ST3GAL2: variants seen among roughly 807,000 people sequenced by gnomAD.
The protein encoded by ST3GAL2 is ST3 beta-galactoside alpha-2,3-sialyltransferase 2, also known as CMP-N-acetylneuraminate-beta-galactosamide-alpha-2,3-sialyltransferase 2.
ST3GAL2 carries 16 observed loss-of-function variants against 37.5 expected under a neutral mutation model. The observed-to-expected ratio is 0.43, with a 90% CI of 0.29 to 0.65. The LOEUF is 0.65. Among genes scored for constraint, ST3GAL2 ranks in the 30% least tolerant of loss-of-function variants. The pLI is 0.17. For synonymous variants in ST3GAL2, 238 were observed against 202.9 expected, an observed-to-expected ratio of 1.17 and a Z score of -1.47; for missense variants, 383 against 487.8, an observed-to-expected ratio of 0.79 and a Z score of 2.02.
intron 1 of ST3GAL2, among the ~76,000 whole-genome samples, chr16:70,429,302 G>A (rs932500854): frequency 6.6e-6 from 1 of 152,180 alleles, no homozygotes; most frequent in Non-Finnish European, 1.5e-5. Flanking sequence ...GCTGAAGAAT[G>A]AATCCCTGAG....
chr16:70,398,465 C>G lies in ST3GAL2; in HGVS notation c.66G>C (p.Leu22=), dbSNP rs199829873. Residue 22 remains leucine (L), a synonymous_variant, in exon 2 of 7, where the codon CTG becomes CTC. Transcript: ENST00000342907. ...VAFLLVFIMS[L]LFTYSHHSMA... ...TGCTGTGGTGCGAGTAGGTGAAGAGCAGGGACATGATGAACACCAGCAGGA... is the reference window on the plus strand; with the variant it reads ...TGCTGTGGTGCGAGTAGGTGAAGAGGAGGGACATGATGAACACCAGCAGGA... 3.7e-6 allele frequency: 6 copies of G among 1,613,586 alleles called. No individual in the cohort carries two copies. In the African/African-American group the frequency reaches 6.7e-5, roughly 18 times the overall value.
chr16:70,397,702 G>A (rs1432229895), intron 2 of ST3GAL2, among the ~76,000 whole-genome samples: 1 of 152,000 alleles, frequency 6.6e-6, no homozygotes, highest in Non-Finnish European at 1.5e-5. Context: ...CTCCAGCCTG[G>A]GCGACAGAAT....
Position 70,388,238 on chromosome 16 carries a change from C to T in ST3GAL2, c.713+129G>A, listed in dbSNP as rs1276411165. ...CCTTCAGCTCACCCACCAACTTAGG[C>T]CCTCCCTTCTCACCAGCCCCTCTTG... is the stretch of plus-strand genomic sequence containing the variant. On this transcript the variant is annotated intron_variant, in intron 4 of 6. Transcript: ENST00000342907. The T allele has an allele frequency of 5.9e-6, 7 of 1,194,820 alleles. No homozygotes were observed. In the East Asian group the frequency reaches 1.4e-4, roughly 25 times the overall value. The allele number at this position is 1,194,820 out of a possible 1,614,324, so 74.0% of individuals were successfully genotyped here.
chr16:70,431,662 TAAAA>T (rs60739243), intron 1 of ST3GAL2, among the ~76,000 whole-genome samples: 2 of 139,332 alleles, frequency 1.4e-5, no homozygotes, highest in African/African-American at 5.2e-5. Context: ...CCCATCTCTT[TAAAA>T]AAAAAAAAAA....
intron 1 of ST3GAL2, among the ~76,000 whole-genome samples, chr16:70,419,383 A>G (rs925359216): frequency 3.3e-5 from 5 of 152,214 alleles, no homozygotes; most frequent in Admixed American, 1.3e-4. Flanking sequence ...AGAGGTCACA[A>G]TCCAACCACG....
At chr16:70,407,901 T>C (rs1454842430) in intron 1 of ST3GAL2, among the ~76,000 whole-genome samples, 1 of 152,004 alleles carries the variant, frequency 6.6e-6, no homozygotes, top group Non-Finnish European at 1.5e-5. Context: ...TACAACCTTC[T>C]TGGCATGCAG....
In ST3GAL2 at chr16:70,395,188, G is replaced by C. The variant is rs778893391; in HGVS notation, c.340-13C>G. 1 of 1,588,680 alleles carries C rather than the reference G, an allele frequency of 6.3e-7. No individual in the cohort carries two copies. The highest frequency in any genetic ancestry group is 8.6e-7 in the Non-Finnish European group (1 of 1,165,884). ...GGGGCTGCAGCATCTGTGGAAGGGA[G>C]GGGAAGATGGGAAACGAGGAAGGGG... On this transcript the variant is annotated splice_polypyrimidine_tract_variant and intron_variant, in intron 2 of 6. Coordinates refer to ENST00000342907, the MANE Select transcript of ST3GAL2 (RefSeq NM_006927.4).
chr16:70,392,184 C>G (rs2047486310), intron 3 of ST3GAL2, among the ~76,000 whole-genome samples: 1 of 152,202 alleles, frequency 6.6e-6, no homozygotes, highest in Non-Finnish European at 1.5e-5. Context: ...TTCCAAACAT[C>G]TGGGAATGAA....
In ST3GAL2 at chr16:70,405,550, A is replaced by G. The variant is rs1379766312; in HGVS notation, c.-1003-6017T>C. Among the ~76,000 whole-genome samples, 100 of 147,768 alleles carry G rather than the reference A, an allele frequency of 6.8e-4. 1 individual carries two copies. Among genetic ancestry groups the G allele is most frequent in the Non-Finnish European group, 8.7e-4 (58 of 66,664 alleles). ...AGTGAGACTCCGTCTTAAAAAAAAA[A>G]AAAAAAAAAAAAAAAAGGAAAAAAA... On this transcript the variant is annotated intron_variant, in intron 1 of 6. Coordinates refer to ENST00000342907, the MANE Select transcript of ST3GAL2 (RefSeq NM_006927.4).
chr16:70,398,362 G>C lies in ST3GAL2; in HGVS notation c.169C>G (p.Leu57Val). 1 of 1,613,490 alleles carries C rather than the reference G, an allele frequency of 6.2e-7. No homozygotes were observed. The highest frequency in any genetic ancestry group is 8.5e-7 in the Non-Finnish European group (1 of 1,180,026). Residue 57 changes from leucine to valine, a missense_variant, in exon 2 of 7, where the codon CTG becomes GTG. Coordinates refer to ENST00000342907, the MANE Select transcript of ST3GAL2 (RefSeq NM_006927.4). ...AGCCTCTCCTTGCTGAGGCGCTGCAGGCCGGCATAGCCGGGCACCAGCTTC... is the reference window on the plus strand; with the variant it reads ...AGCCTCTCCTTGCTGAGGCGCTGCACGCCGGCATAGCCGGGCACCAGCTTC... Reference protein sequence around the residue: ...RVKLVPGYAGLQRLSKERLSG... With the variant: ...RVKLVPGYAGVQRLSKERLSG...
intron 1 of ST3GAL2, among the ~76,000 whole-genome samples, chr16:70,401,582 T>C (rs1476160095): frequency 6.6e-6 from 1 of 152,076 alleles, no homozygotes; most frequent in Non-Finnish European, 1.5e-5. Context: ...GACCTGGCAA[T>C]GACCCTCTCA....
At chr16:70,388,338 T>C (rs767471023) in intron 4 of ST3GAL2, 29 bp downstream of exon 4, 41 of 1,613,508 alleles carry the variant, frequency 2.5e-5, no homozygotes, top group Non-Finnish European at 3.2e-5. Flanking sequence ...CTGTCACCCA[T>C]ATTCTACCCA....
intron 1 of ST3GAL2, among the ~76,000 whole-genome samples, chr16:70,408,930 AAG>A (rs1409032908): frequency 2.4e-4 from 34 of 141,780 alleles, no homozygotes; most frequent in African/African-American, 7.0e-4. Context: ...AAAAAAAAGA[AAG>A]AAAAAATAAA....
intron 3 of ST3GAL2, 127 bp downstream of exon 3, chr16:70,394,855 C>G (rs1308935464): frequency 9.3e-7 from 1 of 1,072,732 alleles, no homozygotes; most frequent in Non-Finnish European, 1.3e-6. Context: ...GTGAAAGACT[C>G]TGGGAGGCAG....
At position 70,381,071 on chromosome 16, in the gene ST3GAL2, AG is replaced by A. The variant is rs1163936868; in HGVS notation, c.*617del. On this transcript the variant is annotated 3_prime_UTR_variant, in exon 7 of 7. Transcript: ENST00000342907. Reference sequence around the variant, plus strand: ...TCGGCCCGGGAGCACCCCACCCCGCAGAGGGCGCCACTCCCGGCTTCCTGGA... The same window carrying A: ...TCGGCCCGGGAGCACCCCACCCCGCAAGGGCGCCACTCCCGGCTTCCTGGA... 6.6e-6 allele frequency: 1 copy of A among 152,522 alleles called. No homozygotes were observed. Among genetic ancestry groups the A allele is most frequent in the African/African-American group, 2.4e-5 (1 of 41,448 alleles). 9.4% of individuals were successfully genotyped at this position (152,522 alleles called of 1,614,324 possible).
intron 1 of ST3GAL2, among the ~76,000 whole-genome samples, chr16:70,428,090 G>A (rs1013221014): frequency 2.6e-5 from 4 of 152,236 alleles, no homozygotes; most frequent in African/African-American, 7.2e-5. Flanking sequence ...AAAATGGAAC[G>A]GAAAGGTCTG....
intron 1 of ST3GAL2, among the ~76,000 whole-genome samples, chr16:70,408,084 A>G (rs773863504): frequency 7.2e-5 from 11 of 152,136 alleles, no homozygotes; most frequent in Non-Finnish European, 1.6e-4. Flanking sequence ...TACTGCTCCA[A>G]TGGACCGATG....
At chr16:70,438,569 G>A (rs978677926) in intron 1 of ST3GAL2, among the ~76,000 whole-genome samples, 2 of 152,068 alleles carry the variant, frequency 1.3e-5, no homozygotes, top group Admixed American at 6.5e-5. Context: ...AGGTGGAGCA[G>A]AGGCCGGGAG....
chr16:70,393,677 G>A (rs1053014148), intron 3 of ST3GAL2: 3 of 152,320 alleles, frequency 2.0e-5, no homozygotes, highest in African/African-American at 7.2e-5. Context: ...CCTCCCATTG[G>A]GGTATCAGCA....
Sources: allele counts gnomAD v4.1 joint callset (sites outside exome capture counted in the v4.1 genomes callset), GRCh38; gene constraint gnomAD v4.1.1; transcripts MANE v1.5; gene names NCBI Gene and HGNC (gene_info 2026-07-23, HGNC 2026-07-21).